Variants in TNKS observed in about 807,000 individuals in gnomAD.
TNKS encodes poly [ADP-ribose] polymerase tankyrase-1.
TNKS carries 72 observed loss-of-function variants against 135.8 expected under a neutral mutation model. The observed-to-expected ratio is 0.53, with a 90% CI of 0.44 to 0.64. The LOEUF (loss-of-function observed/expected upper bound fraction) is 0.64. Ranked by LOEUF, TNKS falls within the 30% of genes least tolerant of loss-of-function variation. The pLI is 0.00. For missense variants in TNKS, 1,769 were observed against 1,674.0 expected, an observed-to-expected ratio of 1.06 and a Z score of -0.99; for synonymous variants, 849 against 649.3, an observed-to-expected ratio of 1.31 and a Z score of -4.68.
intron 11 of TNKS, among the ~76,000 whole-genome samples, chr8:9,714,395 A>T (rs990163453): frequency 6.6e-6 from 1 of 151,888 alleles, no homozygotes; most frequent in African/African-American, 2.4e-5. Flanking sequence ...TAACACACAG[A>T]TAATGTTTTG....
chr8:9,689,755 G>C (rs912601254), intron 5 of TNKS, among the ~76,000 whole-genome samples: 2 of 152,114 alleles, frequency 1.3e-5, no homozygotes, highest in African/African-American at 4.8e-5. Context: ...CAGAATCCTA[G>C]AGCTCTTAGC....
chr8:9,714,311 G>T (rs1027503974), intron 11 of TNKS, among the ~76,000 whole-genome samples: 2 of 143,064 alleles, frequency 1.4e-5, no homozygotes, highest in African/African-American at 5.2e-5. Flanking sequence ...AGTGATATGT[G>T]AAGCAACCGC....
At chr8:9,649,878 C>CTTTTTTTTTTTTTTTTTTTTTTTTTTT (rs71201959) in intron 3 of TNKS, among the ~76,000 whole-genome samples, 4 of 83,362 alleles carry the variant, frequency 4.8e-5, no homozygotes, top group African/African-American at 2.1e-4. Flanking sequence ...CTTTTCTTTT[C>CTTTTTTTTTTTTTTTTTTTTTTTTTTT]TTTTTTTTTT....
At chr8:9,741,326 G>T (rs1030154222) in intron 17 of TNKS, among the ~76,000 whole-genome samples, 2 of 152,100 alleles carry the variant, frequency 1.3e-5, no homozygotes, top group South Asian at 4.2e-4. Context: ...AGGGACAGAT[G>T]GTGGCCATAG....
At chr8:9,647,852 A>G (rs994530416) in intron 3 of TNKS, among the ~76,000 whole-genome samples, 3 of 152,222 alleles carry the variant, frequency 2.0e-5, no homozygotes, top group African/African-American at 7.2e-5. Flanking sequence ...CATAGAATAT[A>G]CTTACACAAA....
chr8:9,675,281 A>G (rs1046319280), intron 3 of TNKS, among the ~76,000 whole-genome samples: 1 of 152,230 alleles, frequency 6.6e-6, no homozygotes, highest in Non-Finnish European at 1.5e-5. Flanking sequence ...TTTAGCTACA[A>G]GAATCAATTC....
At chr8:9,628,612 C>T (rs943328106) in intron 3 of TNKS, among the ~76,000 whole-genome samples, 3 of 151,970 alleles carry the variant, frequency 2.0e-5, no homozygotes, top group Admixed American at 6.5e-5. Flanking sequence ...AGGTTAAGTC[C>T]TAGGATTTTT....
chr8:9,755,890 GA>G (rs1482595718), intron 20 of TNKS, among the ~76,000 whole-genome samples: 17 of 152,256 alleles, frequency 1.1e-4, no homozygotes, highest in Admixed American at 7.2e-4. Flanking sequence ...TACTCTCTTG[GA>G]AGTCTCTAAA....
chr8:9,592,635 C>A (rs975830555), intron 2 of TNKS, among the ~76,000 whole-genome samples: 10 of 152,188 alleles, frequency 6.6e-5, no homozygotes, highest in African/African-American at 2.4e-4. Flanking sequence ...TAACAATAAT[C>A]TTGTCCACTT....
intron 1 of TNKS, among the ~76,000 whole-genome samples, chr8:9,559,982 T>A (rs1369915246): frequency 6.6e-6 from 1 of 152,176 alleles, no homozygotes; most frequent in African/African-American, 2.4e-5. Flanking sequence ...TAAGATGGCT[T>A]TGTAAAGATG....
chr8:9,656,167 A>G (rs1312269386), intron 3 of TNKS, among the ~76,000 whole-genome samples: 2 of 152,226 alleles, frequency 1.3e-5, no homozygotes, highest in East Asian at 1.9e-4. Flanking sequence ...AGTGAATGAA[A>G]TGAAGCGAGA....
At chr8:9,599,961 G>A (rs1798949343) in intron 2 of TNKS, among the ~76,000 whole-genome samples, 2 of 152,176 alleles carry the variant, frequency 1.3e-5, no homozygotes, top group African/African-American at 4.8e-5. Context: ...CCTCTCCCAT[G>A]TAAAACTCAG....
At chr8:9,617,985 T>TG (rs1491155956) in intron 3 of TNKS, among the ~76,000 whole-genome samples, 1 of 7,556 alleles carries the variant, frequency 1.3e-4, no homozygotes, top group East Asian at 2.7e-3. Context: ...TCTTTTTTGG[T>TG]TTTTTTTTTT....
chr8:9,731,012 C>A lies in TNKS; in HGVS notation c.2124C>A (p.Ala708=). ...SVVEYLLHHG[A]DVHAKDKGGL... is the part of the protein sequence containing the mutation. ...TAGAGTACCTGCTACACCACGGTGC[C>A]GATGTCCATGCCAAAGACAAGGGGT... The change falls in exon 14 of 27, where the codon GCC becomes GCA. Residue 708 remains alanine, a synonymous_variant. Coordinates refer to ENST00000310430, the MANE Select transcript of TNKS (RefSeq NM_003747.3). 1 of 1,611,484 alleles carries A rather than the reference C, an allele frequency of 6.2e-7. No homozygotes were observed. Among genetic ancestry groups the A allele is most frequent in the Non-Finnish European group, 8.5e-7 (1 of 1,178,742 alleles).
intron 3 of TNKS, among the ~76,000 whole-genome samples, chr8:9,625,921 A>G (rs1800037860): frequency 6.6e-6 from 1 of 152,130 alleles, no homozygotes; most frequent in Non-Finnish European, 1.5e-5. Flanking sequence ...TTATTAATAG[A>G]TTCTGTTGGT....
At chr8:9,577,204 C>T (rs1350024752) in intron 1 of TNKS, among the ~76,000 whole-genome samples, 1 of 151,596 alleles carries the variant, frequency 6.6e-6, no homozygotes, top group East Asian at 1.9e-4. Context: ...TAGAGGGCAA[C>T]TTGGCAACAT....
At chr8:9,641,510 G>T (rs1407810095) in intron 3 of TNKS, among the ~76,000 whole-genome samples, 1 of 145,204 alleles carries the variant, frequency 6.9e-6, no homozygotes, top group African/African-American at 2.6e-5. Flanking sequence ...TCTTAATTTT[G>T]TATAGGATAT....
intron 3 of TNKS, among the ~76,000 whole-genome samples, chr8:9,679,024 T>G (rs1802660539): frequency 6.6e-6 from 1 of 152,180 alleles, no homozygotes; most frequent in Admixed American, 6.5e-5. Context: ...CAATTGAGCT[T>G]GCAAAAGAAA....
At chr8:9,649,937 T>G (rs993652191) in intron 3 of TNKS, among the ~76,000 whole-genome samples, 2 of 134,966 alleles carry the variant, frequency 1.5e-5, no homozygotes, top group African/African-American at 2.8e-5. Context: ...TTGTCCAGGC[T>G]GGAGTGCAGT....
Sources: gnomAD v4.1 joint callset for allele counts (sites outside exome capture counted in the v4.1 genomes callset) on GRCh38, gnomAD v4.1.1 for gene constraint, MANE v1.5 for transcripts, NCBI Gene and HGNC (gene_info 2026-07-23, HGNC 2026-07-21) for gene names.